The following NRG1 variants were observed in gnomAD, a reference collection of about 807,000 sequenced individuals.
The protein encoded by NRG1 is neuregulin 1, also known as pro-neuregulin-1, membrane-bound isoform.
In NRG1, 18 loss-of-function variants were observed where a neutral mutation model predicts 63.8. The observed-to-expected ratio is 0.28, with a 90% CI of 0.19 to 0.42. NRG1 has a LOEUF of 0.42. Among genes scored for constraint, NRG1 ranks in the 10% least tolerant of loss-of-function variants. The pLI is 1.00. For synonymous variants in NRG1, 302 were observed against 301.3 expected (o/e 1.00, Z -0.02); for missense variants, 762 against 814.7 (o/e 0.94, Z 0.79).
rs1363896898 is a variant in NRG1, at chr8:31,746,253, G to T, written c.37+106822G>T. ...GCTTTTGTGGAAAAACACTAAAATG[G>T]CTAAAGCCTCTCAGCATAACTGCTT... is the stretch of plus-strand genomic sequence containing the variant. On this transcript the variant is annotated intron_variant, in intron 1 of 10. Coordinates refer to the NRG1 transcript ENST00000519301. Among the ~76,000 whole-genome samples, 3 of 151,930 alleles carry T rather than the reference G, an allele frequency of 2.0e-5. No individual in the cohort carries two copies. In the East Asian group the frequency reaches 5.8e-4, roughly 29 times the overall value.
At chr8:31,872,321 TA>T (rs1030352042) in intron 1 of NRG1, among the ~76,000 whole-genome samples, 26 of 152,308 alleles carry the variant, frequency 1.7e-4, no homozygotes, top group Admixed American at 7.2e-4. Flanking sequence ...CATTTTTTTT[TA>T]TTGGCCTCAG....
intron 1 of NRG1, among the ~76,000 whole-genome samples, chr8:32,452,875 T>C (rs1821140130): frequency 6.6e-6 from 1 of 152,232 alleles, no homozygotes; most frequent in Non-Finnish European, 1.5e-5. Context: ...CTAATTTCCC[T>C]TTAATAAGAC....
chr8:32,162,679 C>A (rs1838969774), intron 1 of NRG1, among the ~76,000 whole-genome samples: 2 of 152,150 alleles, frequency 1.3e-5, no homozygotes, highest in Non-Finnish European at 2.9e-5. Flanking sequence ...ACTCAAGACT[C>A]TTAAATTTGT....
In NRG1 at chr8:31,976,662, G is replaced by GGTGT. The variant is rs55763806; in HGVS notation, c.37+337264_37+337267dup. Among the ~76,000 whole-genome samples, 154 of 150,582 alleles carry GGTGT rather than the reference G, an allele frequency of 1.0e-3. 1 individual carries two copies. Among genetic ancestry groups the GGTGT allele is most frequent in the Admixed American group, 3.2e-3 (49 of 15,102 alleles). ...GGTCAATGGGTGAGGATCTGCCATGGGTGTGTGTGTGTGTGTGTGTGTGTG... is the reference window on the plus strand; with the variant it reads ...GGTCAATGGGTGAGGATCTGCCATGGGTGTGTGTGTGTGTGTGTGTGTGTGTGTG... On this transcript the variant is annotated intron_variant, in intron 1 of 10. Coordinates refer to the NRG1 transcript ENST00000519301.
At chr8:32,071,293 A>G (rs1825724676) in intron 1 of NRG1, among the ~76,000 whole-genome samples, 1 of 152,188 alleles carries the variant, frequency 6.6e-6, no homozygotes, top group Non-Finnish European at 1.5e-5. Flanking sequence ...TTTATGATAG[A>G]TAATTGCAGA....
intron 1 of NRG1, among the ~76,000 whole-genome samples, chr8:32,031,635 C>G (rs1818270628): frequency 1.3e-5 from 2 of 152,090 alleles, no homozygotes; most frequent in African/African-American, 4.8e-5. Context: ...TGACAGGCCC[C>G]AGTGTGTGTT....
intron 1 of NRG1, among the ~76,000 whole-genome samples, chr8:31,661,795 G>A (rs1806019341): frequency 1.3e-5 from 2 of 152,198 alleles, no homozygotes; most frequent in South Asian, 4.1e-4. Context: ...GCATGACTTA[G>A]GATCTCCATA....
At chr8:32,104,198 A>G (rs917750153) in intron 1 of NRG1, among the ~76,000 whole-genome samples, 2 of 152,232 alleles carry the variant, frequency 1.3e-5, no homozygotes, top group African/African-American at 4.8e-5. Flanking sequence ...CTCCTAGGCT[A>G]CAAATCTGTA....
chr8:32,043,779 A>AT (rs906342754), intron 1 of NRG1, among the ~76,000 whole-genome samples: 6 of 151,410 alleles, frequency 4.0e-5, no homozygotes, highest in African/African-American at 9.7e-5. Flanking sequence ...AACCACCAAA[A>AT]TTTTTTTTTG....
intron 1 of NRG1, among the ~76,000 whole-genome samples, chr8:31,944,160 A>C (rs1270106828): frequency 2.0e-5 from 3 of 152,176 alleles, no homozygotes; most frequent in Admixed American, 6.6e-5. Flanking sequence ...CCTAGTCAGA[A>C]GCTCTGAGTT....
chr8:32,390,575 C>G (rs1475641483), intron 1 of NRG1, among the ~76,000 whole-genome samples: 1 of 146,166 alleles, frequency 6.8e-6, no homozygotes, highest in Non-Finnish European at 1.5e-5. Flanking sequence ...TGCATTCCAG[C>G]CTGGGCAACA....
chr8:31,836,185 C>T (rs528223327), intron 1 of NRG1, among the ~76,000 whole-genome samples: 183 of 152,246 alleles, frequency 1.2e-3, no homozygotes, highest in African/African-American at 4.0e-3. Flanking sequence ...ATTTCTTCCA[C>T]TAAACTTAAA....
At chr8:31,735,562 G>A (rs368292055) in intron 1 of NRG1, among the ~76,000 whole-genome samples, 1 of 152,112 alleles carries the variant, frequency 6.6e-6, no homozygotes, top group African/African-American at 2.4e-5. Flanking sequence ...GCAATATTTT[G>A]TAGGCATTAA....
At chr8:32,548,175 C>T (rs963367953), upstream of NRG1, 3 of 953,962 alleles carry the variant, frequency 3.1e-6, no homozygotes, top group Admixed American at 1.2e-4. Flanking sequence ...GTCCGCGCCT[C>T]GGGGTGGGGG....
At chr8:32,144,388 T>G (rs200036302) in intron 1 of NRG1, among the ~76,000 whole-genome samples, 1 of 150,462 alleles carries the variant, frequency 6.6e-6, no homozygotes, top group Non-Finnish European at 1.5e-5. Context: ...TTTATGGAGG[T>G]GTGTGTGTGT....
chr8:32,311,807 C>A (rs1856829970), intron 1 of NRG1, among the ~76,000 whole-genome samples: 1 of 152,136 alleles, frequency 6.6e-6, no homozygotes, highest in South Asian at 2.1e-4. Context: ...GGAAAATTGC[C>A]TTTTCCAAGG....
intron 5 of NRG1, among the ~76,000 whole-genome samples, chr8:32,682,262 C>T (rs1302143772): frequency 6.6e-6 from 1 of 152,098 alleles, no homozygotes; most frequent in Non-Finnish European, 1.5e-5. Flanking sequence ...CATTCATGTG[C>T]ATTAAGCAGC....
chr8:31,718,184 T>A (rs1390388995), intron 1 of NRG1, among the ~76,000 whole-genome samples: 1 of 152,182 alleles, frequency 6.6e-6, no homozygotes, highest in African/African-American at 2.4e-5. Context: ...CTACATTTTT[T>A]TTTTTGTCTG....
At chr8:32,322,669 T>C (rs1801553577) in intron 1 of NRG1, among the ~76,000 whole-genome samples, 1 of 152,066 alleles carries the variant, frequency 6.6e-6, no homozygotes, top group Admixed American at 6.6e-5. Flanking sequence ...TGGTGATCAT[T>C]ATAAAAGCCA....
Sources: allele counts gnomAD v4.1 joint callset (sites outside exome capture counted in the v4.1 genomes callset), GRCh38; gene constraint gnomAD v4.1.1; transcripts MANE v1.5; gene names NCBI Gene and HGNC (gene_info 2026-07-23, HGNC 2026-07-21).